The following ABCG2 variants were observed in gnomAD, a reference collection of about 807,000 sequenced individuals.
The protein encoded by ABCG2 is ATP binding cassette subfamily G member 2 (JR blood group).
Under a neutral mutation model 73.5 loss-of-function variants are expected in ABCG2, and 80 were observed. The observed-to-expected ratio is 1.09, with a 90% CI of 0.91 to 1.31. The LOEUF is 1.31. Ranked by LOEUF, ABCG2 falls within the 50% of genes most tolerant of loss-of-function variation. ABCG2 has a pLI of 0.00. For missense variants in ABCG2, 796 were observed against 786.2 expected (o/e 1.01, Z -0.15); for synonymous variants, 269 against 282.4 (o/e 0.95, Z 0.48).
chr4:88,154,168 T>A (rs1188837340), intron 1 of ABCG2, among the ~76,000 whole-genome samples: 1 of 152,176 alleles, frequency 6.6e-6, no homozygotes, highest in African/African-American at 2.4e-5. Flanking sequence ...GGACAGAAGT[T>A]GGAACACTAG....
At chr4:88,147,029 GAAA>G (rs1560713822) in intron 1 of ABCG2, among the ~76,000 whole-genome samples, 2 of 138,764 alleles carry the variant, frequency 1.4e-5, no homozygotes, top group Non-Finnish European at 3.2e-5. Flanking sequence ...AAGAAAGAAA[GAAA>G]GAAAGAAAGA....
At chr4:88,203,851 G>A (rs553061497) in intron 1 of ABCG2, among the ~76,000 whole-genome samples, 5 of 148,080 alleles carry the variant, frequency 3.4e-5, no homozygotes, top group South Asian at 4.4e-4. Context: ...TGATATTATC[G>A]GAATAAAATT....
intron 1 of ABCG2, among the ~76,000 whole-genome samples, chr4:88,211,035 C>A (rs1406219325): frequency 6.6e-6 from 1 of 151,592 alleles, no homozygotes; most frequent in Non-Finnish European, 1.5e-5. Context: ...TGTGACTGCA[C>A]CAGGGATTAA....
chr4:88,141,391 A>T (rs1355872042), intron 1 of ABCG2, among the ~76,000 whole-genome samples: 1 of 152,194 alleles, frequency 6.6e-6, no homozygotes, highest in African/African-American at 2.4e-5. Context: ...AAGCAGGAAG[A>T]AGCTGCTAGA....
At chr4:88,188,089 T>G (rs1374234616) in intron 1 of ABCG2, among the ~76,000 whole-genome samples, 1 of 152,212 alleles carries the variant, frequency 6.6e-6, no homozygotes, top group Non-Finnish European at 1.5e-5. Context: ...TTCTCTTATG[T>G]TTTCTTGTAA....
At chr4:88,151,679 C>CA (rs1032349317) in intron 1 of ABCG2, among the ~76,000 whole-genome samples, 40 of 150,378 alleles carry the variant, frequency 2.7e-4, no homozygotes, top group African/African-American at 8.6e-4. Context: ...GTGGAGCTTG[C>CA]AGTGAGCCGA....
In ABCG2 at chr4:88,139,802, G is replaced by A. The variant is rs780975480; in HGVS notation, c.194C>T (p.Ser65Leu). ...AAGTTCATGTACATACTTGATATTC[G>A]ATAATATTTCTTTCTCAACTGGTTT... Reference protein sequence around the residue: ...CRKPVEKEILSNINGIMKPGL... With the variant: ...CRKPVEKEILLNINGIMKPGL... The change falls in exon 2 of 16, where the codon TCG becomes TTG. Residue 65 changes from serine (S) to leucine (L), a missense_variant. Transcript: ENST00000237612. The A allele has an allele frequency of 1.1e-5, 18 of 1,612,814 alleles. No homozygotes were observed. In the South Asian group the frequency reaches 1.5e-4, roughly 14 times the overall value.
At chr4:88,121,453 C>T (rs1723964267) in intron 6 of ABCG2, among the ~76,000 whole-genome samples, 182 bp downstream of exon 6, 1 of 152,134 alleles carries the variant, frequency 6.6e-6, no homozygotes, top group African/African-American at 2.4e-5. Context: ...CACAGACATC[C>T]TTCCCTACAT....
At position 88,091,437 on chromosome 4, in the gene ABCG2, G is replaced by T. The variant is rs1721639623; in HGVS notation, c.*797C>A. On this transcript the variant is annotated 3_prime_UTR_variant, in exon 16 of 16. Transcript: ENST00000237612. The stretch of plus-strand genomic sequence containing the variant: ...GTGGTCAGATTCCTTTATGAAGGTA[G>T]ATCTGGAGCTACTTAGGCCAGATTT... 1 of 152,170 alleles carries T rather than the reference G, an allele frequency of 6.6e-6. No individual in the cohort carries two copies. The highest frequency in any genetic ancestry group is 1.5e-5 in the Non-Finnish European group (1 of 68,034). 9.4% of individuals were successfully genotyped at this position (152,170 alleles called of 1,614,324 possible).
At chr4:88,147,381 T>C (rs1027745601) in intron 1 of ABCG2, among the ~76,000 whole-genome samples, 2 of 152,258 alleles carry the variant, frequency 1.3e-5, no homozygotes, top group African/African-American at 4.8e-5. Flanking sequence ...TTCTGCAAGC[T>C]TGGGTCACAG....
intron 1 of ABCG2, among the ~76,000 whole-genome samples, chr4:88,215,526 G>A (rs549905244): frequency 1.7e-4 from 26 of 152,292 alleles, no homozygotes; most frequent in Admixed American, 1.6e-3. Context: ...AGTGAGTCAG[G>A]GACTAGCATC....
At chr4:88,119,079 T>C (rs115935763) in intron 6 of ABCG2, among the ~76,000 whole-genome samples, 117 of 152,290 alleles carry the variant, frequency 7.7e-4, no homozygotes, top group African/African-American at 2.4e-3. Flanking sequence ...GTGGAGATAA[T>C]TGAATCATGG....
At chr4:88,158,979 G>A (rs537258233), upstream of ABCG2, 114 of 359,470 alleles carry the variant, frequency 3.2e-4, no homozygotes, top group Non-Finnish European at 5.8e-4. Context: ...GCGTGGCCCC[G>A]ACTGCCGGGC....
At chr4:88,199,385 T>C (rs1408300966) in intron 1 of ABCG2, among the ~76,000 whole-genome samples, 1 of 152,148 alleles carries the variant, frequency 6.6e-6, no homozygotes, top group Admixed American at 6.5e-5. Flanking sequence ...CTAAGTAAAT[T>C]ACACATAGGT....
intron 1 of ABCG2, among the ~76,000 whole-genome samples, chr4:88,211,357 T>TCC (rs1560460419): frequency 8.9e-3 from 168 of 18,848 alleles, no homozygotes; most frequent in Non-Finnish European, 0.012. Context: ...GTTCAACCCC[T>TCC]GCCCCACCCC....
rs1225622428 is a variant in ABCG2 at position 88,092,012 on chromosome 4, G to A, written c.*222C>T. The A allele has an allele frequency of 2.3e-6, 1 of 436,286 alleles. No homozygotes were observed. The highest frequency in any genetic ancestry group is 2.0e-5 in the African/African-American group (1 of 49,912). 27.0% of individuals were successfully genotyped at this position (436,286 alleles called of 1,614,324 possible). A position where few individuals can be genotyped will look rare whatever the true frequency, so the allele number is the denominator to read the frequency against. On this transcript the variant is annotated 3_prime_UTR_variant, in exon 16 of 16. Transcript: ENST00000237612. The stretch of plus-strand genomic sequence containing the variant: ...ACCAGATTTCTTCCCCATGGTTACT[G>A]TCTGAGGAGATTAACTAATATGCGA...
chr4:88,223,931 G>C (rs934416123), intron 1 of ABCG2: 10 of 150,968 alleles, frequency 6.6e-5, no homozygotes, highest in African/African-American at 2.4e-4. Context: ...ATCTCATTAT[G>C]GGTTGACCTG....
At chr4:88,192,306 A>G (rs1449156486) in intron 1 of ABCG2, among the ~76,000 whole-genome samples, 3 of 152,178 alleles carry the variant, frequency 2.0e-5, no homozygotes, top group Non-Finnish European at 2.9e-5. Context: ...CGTAATGACT[A>G]TACTATTCTA....
chr4:88,197,206 A>T (rs1469604263), intron 1 of ABCG2, among the ~76,000 whole-genome samples: 1 of 152,104 alleles, frequency 6.6e-6, no homozygotes, highest in East Asian at 1.9e-4. Flanking sequence ...ACAAAAAAAA[A>T]AAAACAAGGC....
Sources: gnomAD v4.1 joint callset for allele counts (sites outside exome capture counted in the v4.1 genomes callset) on GRCh38, gnomAD v4.1.1 for gene constraint, MANE v1.5 for transcripts, NCBI Gene and HGNC (gene_info 2026-07-23, HGNC 2026-07-21) for gene names.